The following THSD7A variants were observed in gnomAD, a reference collection of about 807,000 sequenced individuals.
THSD7A encodes thrombospondin type 1 domain containing 7A.
THSD7A carries 96 observed loss-of-function variants against 231.3 expected under a neutral mutation model. The ratio of observed to expected loss-of-function variants is 0.41; its 90% CI spans 0.35 to 0.49. THSD7A has a LOEUF of 0.49. THSD7A is among the 20% of genes least tolerant of loss of function. THSD7A has a pLI of 0.05. For missense variants in THSD7A, 2,290 were observed against 2,070.2 expected, an observed-to-expected ratio of 1.11 and a Z score of -2.06; for synonymous variants, 940 against 743.3, an observed-to-expected ratio of 1.26 and a Z score of -4.30.
intron 1 of THSD7A, among the ~76,000 whole-genome samples, chr7:11,753,544 T>TTC (rs35547018): frequency 0.37 from 52,764 of 141,542 alleles, 10,368 homozygotes; most frequent in Middle Eastern, 0.48. Flanking sequence ...ATGCAGCCCT[T>TTC]TCTCTCTCTC....
intron 6 of THSD7A, among the ~76,000 whole-genome samples, chr7:11,518,265 T>C (rs1378090686): frequency 6.6e-6 from 1 of 152,110 alleles, no homozygotes; most frequent in East Asian, 1.9e-4. Context: ...GATGCTACAA[T>C]AGGAATACAA....
intron 1 of THSD7A, among the ~76,000 whole-genome samples, chr7:11,774,487 TACACAC>T (rs71830837): frequency 0.18 from 26,508 of 148,864 alleles, 2,400 homozygotes; most frequent in South Asian, 0.26. Flanking sequence ...TAAGCATTCT[TACACAC>T]ACACACACAC....
Position 11,371,671 on chromosome 7 carries a change from C to T in THSD7A, c.*4123G>A, listed in dbSNP as rs1782057162. On this transcript the variant is annotated 3_prime_UTR_variant, in exon 28 of 28. Transcript: ENST00000423059. ...TTGTGGTGTGGAATGTGAACAAAGA[C>T]TCGAGATGGAGGCAGGAGGATATGG... 6.6e-6 allele frequency: 1 copy of T among 151,442 alleles called. No individual in the cohort carries two copies. 9.4% of individuals were successfully genotyped at this position (151,442 alleles called of 1,614,324 possible). A position where few individuals can be genotyped will look rare whatever the true frequency, so the allele number is the denominator to read the frequency against.
intron 1 of THSD7A, among the ~76,000 whole-genome samples, chr7:11,789,322 G>A (rs572221537): frequency 6.6e-6 from 1 of 152,102 alleles, no homozygotes; most frequent in South Asian, 2.1e-4. Context: ...CTTTTATTCT[G>A]AGGAGAAATG....
chr7:11,430,139 T>G (rs1227756551), intron 13 of THSD7A, among the ~76,000 whole-genome samples: 1 of 152,192 alleles, frequency 6.6e-6, no homozygotes, highest in African/African-American at 2.4e-5. Flanking sequence ...ACAGCAGAGA[T>G]TCGATTTTGA....
At chr7:11,823,809 T>C (rs556133137) in intron 1 of THSD7A, among the ~76,000 whole-genome samples, 4 of 152,166 alleles carry the variant, frequency 2.6e-5, no homozygotes, top group African/African-American at 9.6e-5. Context: ...CCCATTAATA[T>C]AAGCTTTTTT....
chr7:11,687,797 A>G (rs949824093), intron 1 of THSD7A, among the ~76,000 whole-genome samples: 8 of 151,958 alleles, frequency 5.3e-5, no homozygotes, highest in African/African-American at 1.9e-4. Flanking sequence ...GAAGCCAACT[A>G]GAACCATTAT....
Position 11,406,539 on chromosome 7 carries a change from T to A in THSD7A, c.4063-65A>T. 1 of 1,442,116 alleles carries A rather than the reference T, an allele frequency of 6.9e-7. No homozygotes were observed. The highest frequency in any genetic ancestry group is 9.3e-7 in the Non-Finnish European group (1 of 1,076,506). The allele number at this position is 1,442,116 out of a possible 1,614,324, so 89.3% of individuals were successfully genotyped here. ...ATACTTCATTAGAGAGCTCATCACT[T>A]AGTTATCTCTGCACCACTGACTTTG... is the stretch of plus-strand genomic sequence containing the variant. On this transcript the variant is annotated intron_variant, in intron 21 of 27. Transcript: ENST00000423059. The surrounding 1 kb of genome is among the most constrained non-coding windows in gnomAD (Gnocchi z 4.7).
Position 11,434,649 on chromosome 7 carries a change from C to T in THSD7A, c.3065-5524G>A, listed in dbSNP as rs190502827. Among the ~76,000 whole-genome samples the T allele has an allele frequency of 6.5e-4, 99 of 152,046 alleles. No individual in the cohort carries two copies. The South Asian group carries it at 0.011, about 17-fold the overall frequency. ...ACATCTGGATTAATTTCAAAAGCAA[C>T]CTCAAAAAATCTCTTCTACTTAATT... On this transcript the variant is annotated intron_variant, in intron 13 of 27. Transcript: ENST00000423059.
intron 6 of THSD7A, among the ~76,000 whole-genome samples, chr7:11,483,534 T>C (rs957999405): frequency 3.9e-5 from 6 of 152,144 alleles, no homozygotes; most frequent in African/African-American, 1.4e-4. Context: ...TGTATCCCAA[T>C]TAAAAAAATG....
chr7:11,500,088 C>T (rs182125125), intron 6 of THSD7A, among the ~76,000 whole-genome samples: 2 of 152,024 alleles, frequency 1.3e-5, no homozygotes, highest in Non-Finnish European at 2.9e-5. Flanking sequence ...AGGTCACCTA[C>T]AAAGGAATCT....
intron 1 of THSD7A, among the ~76,000 whole-genome samples, chr7:11,720,584 T>A (rs1781317071): frequency 6.6e-6 from 1 of 151,786 alleles, no homozygotes; most frequent in African/African-American, 2.4e-5. Flanking sequence ...CCCTAACAGA[T>A]TCCTTGCAGT....
intron 4 of THSD7A, among the ~76,000 whole-genome samples, chr7:11,572,524 T>A (rs986099925): frequency 6.6e-6 from 1 of 152,084 alleles, no homozygotes; most frequent in Non-Finnish European, 1.5e-5. Flanking sequence ...AGTTTCTTTT[T>A]GGGGGGACAG....
intron 1 of THSD7A, among the ~76,000 whole-genome samples, chr7:11,721,604 C>G (rs1185866878): frequency 6.6e-6 from 1 of 151,784 alleles, no homozygotes; most frequent in Non-Finnish European, 1.5e-5. Context: ...GACTAATACA[C>G]TAACCTAAAG....
chr7:11,770,940 A>T (rs1388835517), intron 1 of THSD7A, among the ~76,000 whole-genome samples: 1 of 151,776 alleles, frequency 6.6e-6, no homozygotes, highest in African/African-American at 2.4e-5. Context: ...AATATACAAT[A>T]AATTTGCCTA....
chr7:11,424,993 C>G (rs573456470), intron 15 of THSD7A, among the ~76,000 whole-genome samples, 164 bp from the exon 16 acceptor site: 1 of 152,154 alleles, frequency 6.6e-6, no homozygotes, highest in African/African-American at 2.4e-5. Flanking sequence ...AGAGTTCTAG[C>G]AGTAGAGGAT....
At chr7:11,521,437 G>C (rs1788257082) in intron 6 of THSD7A, among the ~76,000 whole-genome samples, 1 of 150,362 alleles carries the variant, frequency 6.7e-6, no homozygotes, top group Non-Finnish European at 1.5e-5. Context: ...CACAAGCTTA[G>C]GGCACTGAGA....
At chr7:11,732,136 G>A (rs954095797) in intron 1 of THSD7A, among the ~76,000 whole-genome samples, 10 of 151,614 alleles carry the variant, frequency 6.6e-5, no homozygotes, top group African/African-American at 2.4e-4. Flanking sequence ...AAGAGATAAT[G>A]CTGTTTATTG....
At position 11,401,736 on chromosome 7, in the gene THSD7A, A is replaced by T. The variant is rs926246118; in HGVS notation, c.4411+59T>A. The T allele has an allele frequency of 5.6e-6, 7 of 1,259,064 alleles. No individual in the cohort carries two copies. The Admixed American group carries it at 1.5e-4, about 27-fold the overall frequency. The allele number at this position is 1,259,064 out of a possible 1,614,324, so 78.0% of individuals were successfully genotyped here. ...CAACTTTGTTTATTTTTAACAGACT[A>T]TTTTTTTTTTAATCTTATGCTTTTG... is the stretch of plus-strand genomic sequence containing the variant. On this transcript the variant is annotated intron_variant, in intron 23 of 27. Transcript: ENST00000423059.
Sources: allele counts gnomAD v4.1 joint callset (sites outside exome capture counted in the v4.1 genomes callset), GRCh38; gene constraint gnomAD v4.1.1; non-coding constraint Gnocchi (gnomAD v3.1); transcripts MANE v1.5; gene names NCBI Gene and HGNC (gene_info 2026-07-23, HGNC 2026-07-21).